Variants in WDR7 observed in about 807,000 individuals in gnomAD.
The protein encoded by WDR7 is WD repeat-containing protein 7.
A neutral mutation model predicts 169.4 loss-of-function variants in WDR7; 46 were observed. The ratio of observed to expected loss-of-function variants is 0.27; its 90% CI spans 0.21 to 0.35. The LOEUF (loss-of-function observed/expected upper bound fraction) is 0.35, where lower values mean the gene tolerates loss of function less well. WDR7 is among the 10% of genes least tolerant of loss of function. The pLI, the probability that WDR7 is intolerant of heterozygous loss-of-function variation, is 1.00. For synonymous variants in WDR7, 612 were observed against 666.8 expected (o/e 0.92, Z 1.27); for missense variants, 1,534 against 1,859.3 (o/e 0.83, Z 3.22).
At chr18:56,722,238 A>G (rs993134442) in intron 13 of WDR7, among the ~76,000 whole-genome samples, 1 of 152,196 alleles carries the variant, frequency 6.6e-6, no homozygotes, top group Admixed American at 6.5e-5. Context: ...CTTAAGACTA[A>G]TTTTTGAAAA....
chr18:56,995,002 G>T (rs1443393698), intron 26 of WDR7, among the ~76,000 whole-genome samples: 2 of 152,110 alleles, frequency 1.3e-5, no homozygotes, highest in East Asian at 3.9e-4. Context: ...AAACAATTTA[G>T]TTTTTTTAGT....
chr18:56,663,874 AC>A (rs2024963658), intron 1 of WDR7, among the ~76,000 whole-genome samples: 3 of 152,240 alleles, frequency 2.0e-5, no homozygotes, highest in South Asian at 2.1e-4. Flanking sequence ...TTAAAAAAAA[AC>A]AACAACAACA....
intron 12 of WDR7, among the ~76,000 whole-genome samples, chr18:56,701,689 A>G (rs1294517651): frequency 6.6e-6 from 1 of 152,170 alleles, no homozygotes; most frequent in African/African-American, 2.4e-5. Context: ...AAACTGGGCT[A>G]TTAACTTTTC....
chr18:56,806,093 C>T (rs947786300), intron 19 of WDR7, among the ~76,000 whole-genome samples: 2 of 152,106 alleles, frequency 1.3e-5, no homozygotes, highest in African/African-American at 4.8e-5. Context: ...TTCCTCTTCC[C>T]ATCCTAAGAA....
chr18:57,016,240 C>A (rs1051540931), intron 26 of WDR7, among the ~76,000 whole-genome samples: 4 of 152,122 alleles, frequency 2.6e-5, no homozygotes, highest in Non-Finnish European at 5.9e-5. Flanking sequence ...TCTTGGGGGT[C>A]ATCAAGGTTC....
At chr18:56,765,798 G>T (rs773770803) in intron 16 of WDR7, among the ~76,000 whole-genome samples, 1 of 151,846 alleles carries the variant, frequency 6.6e-6, no homozygotes, top group Non-Finnish European at 1.5e-5. Context: ...ATGTATGTAT[G>T]TATGTATCTA....
In WDR7 at chr18:56,742,284, A is replaced by T. The variant is rs562478650; in HGVS notation, c.1989+10687A>T. Among the ~76,000 whole-genome samples, 21 of 152,320 alleles carry T rather than the reference A, an allele frequency of 1.4e-4. 2 individuals carry two copies. In the South Asian group the frequency reaches 4.4e-3, roughly 32 times the overall value. On this transcript the variant is annotated intron_variant, in intron 14 of 27. Transcript: ENST00000254442. ...AGTGCTAGGTGGATTAAACCCTATG[A>T]CTTTTCAGCAGCCAGATCTTTCTAG...
chr18:56,953,537 G>A (rs1003897252), intron 25 of WDR7, among the ~76,000 whole-genome samples: 4 of 152,178 alleles, frequency 2.6e-5, no homozygotes, highest in Admixed American at 6.5e-5. Flanking sequence ...TCAATTCTTC[G>A]TTTGTCTGTG....
intron 14 of WDR7, among the ~76,000 whole-genome samples, chr18:56,746,580 C>T (rs1599011520): frequency 1.3e-5 from 2 of 152,276 alleles, no homozygotes; most frequent in Non-Finnish European, 2.9e-5. Flanking sequence ...GTTCTGTGAC[C>T]TCTGTCCCTG....
chr18:56,743,679 C>T (rs2043655304), intron 14 of WDR7, among the ~76,000 whole-genome samples: 1 of 152,062 alleles, frequency 6.6e-6, no homozygotes, highest in African/African-American at 2.4e-5. Context: ...GAAATAGTAA[C>T]AAATGTATAA....
chr18:56,665,094 A>G (rs1458390359), intron 1 of WDR7, among the ~76,000 whole-genome samples: 1 of 152,062 alleles, frequency 6.6e-6, no homozygotes, highest in African/African-American at 2.4e-5. Flanking sequence ...GGAGTTTGAG[A>G]TCAGCCTGGC....
rs1385830559 is a variant in WDR7, at chr18:56,858,080, G to T, written c.3305-21864G>T. Among the ~76,000 whole-genome samples the T allele has an allele frequency of 2.0e-5, 3 of 152,004 alleles. No homozygotes were observed. In the East Asian group the frequency reaches 5.8e-4, roughly 29 times the overall value. On this transcript the variant is annotated intron_variant, in intron 20 of 27. Coordinates refer to ENST00000254442, the MANE Select transcript of WDR7 (RefSeq NM_015285.3). ...ATCTCATCTCTCTGCTGAGCTCCAG[G>T]CTTTTACTTTCAGCTGCTTGCTAGA... is the stretch of plus-strand genomic sequence containing the variant.
chr18:56,827,204 T>A (rs1409680645), intron 20 of WDR7, among the ~76,000 whole-genome samples: 1 of 152,150 alleles, frequency 6.6e-6, no homozygotes, highest in African/African-American at 2.4e-5. Context: ...AAGGACAGCT[T>A]CCTTACTTGT....
intron 23 of WDR7, among the ~76,000 whole-genome samples, chr18:56,937,295 G>A (rs911363574): frequency 6.6e-6 from 1 of 152,110 alleles, no homozygotes; most frequent in African/African-American, 2.4e-5. Context: ...GGGAGGCTGA[G>A]GCAGGAGGAT....
intron 20 of WDR7, among the ~76,000 whole-genome samples, chr18:56,863,134 T>A (rs1324457069): frequency 1.3e-5 from 2 of 151,802 alleles, no homozygotes; most frequent in African/African-American, 4.8e-5. Flanking sequence ...GAAAACAACA[T>A]TTTGTTTCTT....
intron 21 of WDR7, among the ~76,000 whole-genome samples, chr18:56,898,283 G>A (rs922602483): frequency 6.6e-6 from 1 of 151,906 alleles, no homozygotes; most frequent in Non-Finnish European, 1.5e-5. Flanking sequence ...AAGGATAAGG[G>A]ACAGCTCTTA....
intron 1 of WDR7, among the ~76,000 whole-genome samples, chr18:56,656,955 T>A (rs966618378): frequency 2.9e-4 from 44 of 152,138 alleles, no homozygotes; most frequent in African/African-American, 9.9e-4. Context: ...AGTAGATTAG[T>A]GCTGATACAA....
Position 57,028,778 on chromosome 18 carries a change from A to T in WDR7, c.*1571A>T, listed in dbSNP as rs756247816. On this transcript the variant is annotated 3_prime_UTR_variant, in exon 28 of 28. Transcript: ENST00000254442. Reference sequence around the variant, plus strand: ...AGATCATCTCTTTCATAATGATATGATGTTATTTCCATTGACGGCAAATCT... The same window carrying T: ...AGATCATCTCTTTCATAATGATATGTTGTTATTTCCATTGACGGCAAATCT... The T allele has an allele frequency of 1.3e-5, 2 of 152,674 alleles. No homozygotes were observed. The highest frequency in any genetic ancestry group is 2.9e-5 in the Non-Finnish European group (2 of 68,048). 9.5% of individuals were successfully genotyped at this position (152,674 alleles called of 1,614,324 possible). A position where few individuals can be genotyped will look rare whatever the true frequency, so the allele number is the denominator to read the frequency against.
intron 21 of WDR7, among the ~76,000 whole-genome samples, chr18:56,888,426 C>T (rs1019215330): frequency 6.6e-6 from 1 of 152,206 alleles, no homozygotes; most frequent in Admixed American, 6.5e-5. Flanking sequence ...AGGAGCTATT[C>T]TGACTTTAAA....
Sources: allele counts gnomAD v4.1 joint callset (sites outside exome capture counted in the v4.1 genomes callset), GRCh38; gene constraint gnomAD v4.1.1; transcripts MANE v1.5; gene names NCBI Gene and HGNC (gene_info 2026-07-23, HGNC 2026-07-21).